Variants in ST3GAL3 observed in about 807,000 individuals in gnomAD.
The protein encoded by ST3GAL3 is CMP-N-acetylneuraminate-beta-1,4-galactoside alpha-2,3-sialyltransferase.
In ST3GAL3, 21 loss-of-function variants were observed where a neutral mutation model predicts 50.1. The ratio of observed to expected loss-of-function variants is 0.42; its 90% CI spans 0.30 to 0.60. The LOEUF (loss-of-function observed/expected upper bound fraction) is 0.60, where lower values mean the gene tolerates loss of function less well. Among genes scored for constraint, ST3GAL3 ranks in the 20% least tolerant of loss-of-function variants. The probability of loss-of-function intolerance (pLI) is 0.19; values close to 1 mark genes in which losing one functional copy is unlikely to be tolerated. For synonymous variants in ST3GAL3, 183 were observed against 190.0 expected (o/e 0.96, Z 0.30); for missense variants, 353 against 489.4 (o/e 0.72, Z 2.63).
At chr1:43,813,885 A>ACACG (rs2060878296) in intron 3 of ST3GAL3, among the ~76,000 whole-genome samples, 1 of 39,594 alleles carries the variant, frequency 2.5e-5, no homozygotes, top group African/African-American at 5.1e-5. Context: ...ACACACACAC[A>ACACG]CACACACACG....
chr1:43,808,477 GA>G lies in ST3GAL3; in HGVS notation c.167-6405del, dbSNP rs957897180. 3.3e-4 allele frequency among the ~76,000 whole-genome samples: 50 copies of G among 151,210 alleles called. No individual in the cohort carries two copies. The East Asian group carries it at 6.4e-3, about 19-fold the overall frequency. ...AGGAGAAACGACTGAGAAAAAAACA[GA>G]AAAAAAAATATGGAAATATTTTCAG... On this transcript the variant is annotated intron_variant, in intron 3 of 11. Coordinates refer to ENST00000347631, the MANE Select transcript of ST3GAL3 (RefSeq NM_006279.5).
chr1:43,917,514 TAA>T (rs1187959143), intron 9 of ST3GAL3, among the ~76,000 whole-genome samples: 6 of 72,400 alleles, frequency 8.3e-5, no homozygotes, highest in African/African-American at 3.0e-4. Context: ...TTATATAATA[TAA>T]TATATATTAT....
At chr1:43,848,986 C>A (rs1260680066) in intron 5 of ST3GAL3, among the ~76,000 whole-genome samples, 1 of 152,118 alleles carries the variant, frequency 6.6e-6, no homozygotes, top group East Asian at 1.9e-4. Flanking sequence ...CTGTAGGTTC[C>A]ATTTAGGTCT....
chr1:43,779,375 T>C (rs1008766257), intron 2 of ST3GAL3, among the ~76,000 whole-genome samples: 2 of 152,210 alleles, frequency 1.3e-5, no homozygotes, highest in African/African-American at 4.8e-5. Context: ...CAAGTTACTT[T>C]AGTGTTTGTT....
intron 2 of ST3GAL3, among the ~76,000 whole-genome samples, chr1:43,741,492 G>A (rs1680908544): frequency 6.6e-6 from 1 of 152,172 alleles, no homozygotes; most frequent in Non-Finnish European, 1.5e-5. Context: ...GATTGCCCTG[G>A]AGAATACTCT....
At chr1:43,891,404 T>C (rs2076666741) in intron 5 of ST3GAL3, among the ~76,000 whole-genome samples, 1 of 152,182 alleles carries the variant, frequency 6.6e-6, no homozygotes, top group South Asian at 2.1e-4. Flanking sequence ...ACCTCATTGC[T>C]ACTTAAAATA....
chr1:43,747,729 C>T (rs1255012299), intron 2 of ST3GAL3, among the ~76,000 whole-genome samples: 2 of 151,678 alleles, frequency 1.3e-5, no homozygotes, highest in East Asian at 3.9e-4. Flanking sequence ...TACAGGCGCC[C>T]ACCACCACCT....
At chr1:43,916,893 G>A (rs1174357842) in intron 9 of ST3GAL3, 1 of 152,142 alleles carries the variant, frequency 6.6e-6, no homozygotes, top group African/African-American at 2.4e-5. Flanking sequence ...ATTCTTAGAA[G>A]ATATCATTTT....
At chr1:43,728,854 C>T (rs1254732061) in intron 1 of ST3GAL3, among the ~76,000 whole-genome samples, 2 of 152,154 alleles carry the variant, frequency 1.3e-5, no homozygotes, top group East Asian at 3.8e-4. Context: ...TGTATACACA[C>T]ATATGTACAT....
intron 3 of ST3GAL3, among the ~76,000 whole-genome samples, chr1:43,811,542 C>T (rs986986225): frequency 1.3e-5 from 2 of 152,166 alleles, no homozygotes; most frequent in Admixed American, 6.5e-5. Flanking sequence ...TTCTGTTGGC[C>T]GAGGGCCTGT....
chr1:43,716,303 C>T (rs895980968), intron 1 of ST3GAL3, among the ~76,000 whole-genome samples: 15 of 152,290 alleles, frequency 9.8e-5, no homozygotes, highest in African/African-American at 3.6e-4. Context: ...AGAACAACAA[C>T]ATTTTTGTAG....
intron 2 of ST3GAL3, among the ~76,000 whole-genome samples, chr1:43,782,373 T>C (rs1699639953): frequency 6.6e-6 from 1 of 152,188 alleles, no homozygotes; most frequent in South Asian, 2.1e-4. Context: ...GGTCTTAGCC[T>C]CCTTACGCTC....
intron 2 of ST3GAL3, among the ~76,000 whole-genome samples, chr1:43,770,719 T>G (rs1159923391): frequency 6.6e-6 from 1 of 152,210 alleles, no homozygotes; most frequent in East Asian, 1.9e-4. Flanking sequence ...CTGTTAACTC[T>G]AGAAACAAAG....
At chr1:43,843,036 C>CTAAACTAAATAAACTAAATAAACTAA (rs1377058719) in intron 5 of ST3GAL3, among the ~76,000 whole-genome samples, 1 of 152,178 alleles carries the variant, frequency 6.6e-6, no homozygotes, top group Admixed American at 6.5e-5. Flanking sequence ...TTACTAAAGA[C>CTAAACTAAATAAACTAAATAAACTAA]AGTTTTATTT....
At chr1:43,708,245 A>T (rs1359011353) in intron 1 of ST3GAL3, 5 of 152,194 alleles carry the variant, frequency 3.3e-5, no homozygotes, top group Admixed American at 2.0e-4. Flanking sequence ...TGAGGAGGGC[A>T]GGTTTGGTTA....
chr1:43,867,242 C>A (rs191357367), intron 5 of ST3GAL3, among the ~76,000 whole-genome samples: 13 of 152,274 alleles, frequency 8.5e-5, no homozygotes, highest in Non-Finnish European at 1.8e-4. Context: ...TCCCACGACA[C>A]GTAGGAATTG....
intron 2 of ST3GAL3, among the ~76,000 whole-genome samples, chr1:43,749,274 C>T (rs535572813): frequency 2.6e-5 from 4 of 152,236 alleles, no homozygotes; most frequent in South Asian, 2.1e-4. Context: ...TGTGGTAGCA[C>T]AAAAAGCATT....
chr1:43,909,748 T>C (rs1247794177), intron 9 of ST3GAL3, among the ~76,000 whole-genome samples: 2 of 152,178 alleles, frequency 1.3e-5, no homozygotes, highest in Non-Finnish European at 2.9e-5. Context: ...TTGAAAAACA[T>C]ATTTAGAACA....
chr1:43,769,838 G>A (rs150621991), intron 2 of ST3GAL3, among the ~76,000 whole-genome samples: 4 of 152,130 alleles, frequency 2.6e-5, no homozygotes, highest in African/African-American at 9.7e-5. Context: ...TGTATTTTAT[G>A]TACTAGTTCT....
Sources: gnomAD v4.1 joint callset for allele counts (sites outside exome capture counted in the v4.1 genomes callset) on GRCh38, gnomAD v4.1.1 for gene constraint, MANE v1.5 for transcripts, NCBI Gene and HGNC (gene_info 2026-07-23, HGNC 2026-07-21) for gene names.